Variants in LIMS1 observed in about 807,000 individuals in gnomAD.
LIMS1 encodes the protein LIM and senescent cell antigen-like-containing domain protein 1.
In LIMS1, 18 loss-of-function variants were observed where a neutral mutation model predicts 44.1. That is an observed-to-expected ratio of 0.41 (90% CI 0.28 to 0.61). LIMS1 has a LOEUF of 0.61. Ranked by LOEUF, LIMS1 falls within the 20% of genes least tolerant of loss-of-function variation. LIMS1 has a pLI of 0.32. For synonymous variants in LIMS1, 93 were observed against 149.1 expected, an observed-to-expected ratio of 0.62 and a Z score of 2.74; for missense variants, 201 against 422.0, an observed-to-expected ratio of 0.48 and a Z score of 4.59.
At chr2:108,598,887 G>T (rs956539816) in intron 1 of LIMS1, among the ~76,000 whole-genome samples, 5 of 151,912 alleles carry the variant, frequency 3.3e-5, no homozygotes, top group African/African-American at 1.2e-4. Flanking sequence ...GTTTAAGTTT[G>T]TCCAATATGG....
rs546309354 is a variant in LIMS1 at position 108,549,329 on chromosome 2, C to T, written c.32+14735C>T. 3.3e-4 allele frequency among the ~76,000 whole-genome samples: 38 copies of T among 116,646 alleles called. 2 individuals carry two copies. Among genetic ancestry groups the T allele is most frequent in the African/African-American group, 1.2e-3 (34 of 28,204 alleles). The allele number at this position is 116,646 out of a possible 152,430, so 76.5% of individuals were successfully genotyped here. ...TTTTTTTTTGAGATGCAGTGTCGCT[C>T]TGTCGCCCAGGCTGGAGTGTAGTGG... is the stretch of plus-strand genomic sequence containing the variant. On this transcript the variant is annotated intron_variant, in intron 1 of 9. Coordinates refer to ENST00000544547, the Ensembl canonical transcript of LIMS1.
In LIMS1 at chr2:108,637,343, A is replaced by C. The variant is rs376932577; in HGVS notation, c.33-22262A>C. ...TATTCTGTTCTATTCTGAAATTCTC[A>C]TGGTTTTCTTTTACCTTATCATTGA... is the stretch of plus-strand genomic sequence containing the variant. On this transcript the variant is annotated intron_variant, in intron 1 of 9. Transcript: ENST00000544547. 6.1e-3 allele frequency among the ~76,000 whole-genome samples: 930 copies of C among 152,210 alleles called. 8 individuals carry two copies. The highest frequency in any genetic ancestry group is 0.015 in the South Asian group (71 of 4,824).
intron 2 of LIMS1, chr2:108,662,294 G>T (rs1484654142): frequency 4.3e-6 from 7 of 1,611,946 alleles, no homozygotes; most frequent in South Asian, 1.1e-5. Context: ...TCCTGCTGCC[G>T]CATTTAGGCC....
chr2:108,629,908 G>A (rs1019824349), intron 1 of LIMS1, among the ~76,000 whole-genome samples: 1 of 152,128 alleles, frequency 6.6e-6, no homozygotes, highest in Non-Finnish European at 1.5e-5. Flanking sequence ...AAAACCAGGT[G>A]AAGGCCAGGC....
chr2:108,616,061 T>C (rs774954554), intron 1 of LIMS1, among the ~76,000 whole-genome samples: 18 of 152,104 alleles, frequency 1.2e-4, no homozygotes, highest in Non-Finnish European at 2.6e-4. Context: ...GAAATATACC[T>C]GGAAAATTTG....
intron 1 of LIMS1, among the ~76,000 whole-genome samples, chr2:108,598,149 C>T (rs1333145383): frequency 6.6e-6 from 1 of 151,628 alleles, no homozygotes; most frequent in Non-Finnish European, 1.5e-5. Flanking sequence ...GAACTTTACC[C>T]CTCATCCCTA....
chr2:108,550,629 C>A (rs190758266), intron 1 of LIMS1, among the ~76,000 whole-genome samples: 2 of 149,238 alleles, frequency 1.3e-5, no homozygotes, highest in South Asian at 4.3e-4. Flanking sequence ...TCCTAGCTAA[C>A]ACAGTGAAAC....
At chr2:108,552,300 G>A (rs1489857504) in intron 1 of LIMS1, among the ~76,000 whole-genome samples, 2 of 129,088 alleles carry the variant, frequency 1.5e-5, no homozygotes, top group African/African-American at 2.8e-5. Flanking sequence ...TATACTATAC[G>A]TGTAGTATAT....
rs535651299 is a variant in LIMS1, at chr2:108,621,684, C to T, written c.33-37921C>T. On this transcript the variant is annotated intron_variant, in intron 1 of 9. Transcript: ENST00000544547. ...TTCACAAATCCTTTAAGTTGTTTTA[C>T]CCCTTCTCCAAACCTACAGTGTTGT... 2.0e-5 allele frequency among the ~76,000 whole-genome samples: 3 copies of T among 152,324 alleles called. No homozygotes were observed. The South Asian group carries it at 6.2e-4, about 32-fold the overall frequency.
intron 3 of LIMS1, 73 bp from the exon 4 acceptor site, chr2:108,672,252 C>T: frequency 8.2e-7 from 1 of 1,217,962 alleles, no homozygotes; most frequent in Non-Finnish European, 1.1e-6. Context: ...ATTACTCTCT[C>T]AGTAAATAAA....
intron 1 of LIMS1, among the ~76,000 whole-genome samples, chr2:108,584,106 C>G (rs1463574229): frequency 6.6e-6 from 1 of 152,090 alleles, no homozygotes; most frequent in Non-Finnish European, 1.5e-5. Flanking sequence ...GGAGATAACC[C>G]AGGGTTGTAG....
At chr2:108,643,259 C>T (rs914659456) in intron 1 of LIMS1, among the ~76,000 whole-genome samples, 1 of 152,146 alleles carries the variant, frequency 6.6e-6, no homozygotes, top group African/African-American at 2.4e-5. Flanking sequence ...AAGATTGGTG[C>T]GGAAGGCAGG....
intron 1 of LIMS1, among the ~76,000 whole-genome samples, chr2:108,622,183 G>T (rs991603939): frequency 1.3e-5 from 2 of 152,144 alleles, no homozygotes; most frequent in African/African-American, 2.4e-5. Flanking sequence ...ATGACAGAAG[G>T]CTGCAGTAAA....
chr2:108,627,627 A>G (rs2148887588), intron 1 of LIMS1, among the ~76,000 whole-genome samples: 1 of 152,344 alleles, frequency 6.6e-6, no homozygotes, highest in East Asian at 1.9e-4. Context: ...TATAAAAGTC[A>G]GAAAAGATAG....
chr2:108,580,503 C>T (rs74392800), intron 1 of LIMS1, among the ~76,000 whole-genome samples: 4,440 of 151,902 alleles, frequency 0.029, 146 homozygotes, highest in South Asian at 0.14. Flanking sequence ...GGCAGTGTTA[C>T]GGTAGCTCAG....
chr2:108,557,052 A>G (rs939509591), intron 1 of LIMS1, among the ~76,000 whole-genome samples: 2 of 152,050 alleles, frequency 1.3e-5, no homozygotes, highest in Non-Finnish European at 2.9e-5. Context: ...AACTGTCACT[A>G]CCTACCTACC....
chr2:108,628,487 G>A (rs1433016873), intron 1 of LIMS1, among the ~76,000 whole-genome samples: 1 of 152,212 alleles, frequency 6.6e-6, no homozygotes, highest in Non-Finnish European at 1.5e-5. Context: ...AGCTATGAAA[G>A]CAGTTTATTG....
At chr2:108,669,402 T>TG (rs201871739) in intron 2 of LIMS1, among the ~76,000 whole-genome samples, 4 of 151,274 alleles carry the variant, frequency 2.6e-5, no homozygotes, top group African/African-American at 9.7e-5. Flanking sequence ...AGCGAGACTC[T>TG]GGGAAAAAAA....
chr2:108,533,706 G>C (rs1241053765), upstream of LIMS1: 1 of 152,590 alleles, frequency 6.6e-6, no homozygotes, highest in Non-Finnish European at 1.5e-5. Flanking sequence ...CCACTGCGCC[G>C]GCCCCAAAAT....
Sources: allele counts gnomAD v4.1 joint callset (sites outside exome capture counted in the v4.1 genomes callset), GRCh38; gene constraint gnomAD v4.1.1; transcripts MANE v1.5; gene names NCBI Gene and HGNC (gene_info 2026-07-23, HGNC 2026-07-21).